The following TPD52L2 variants were observed in gnomAD, a reference collection of about 807,000 sequenced individuals.
The protein encoded by TPD52L2 is TPD52 like 2.
TPD52L2 carries 19 observed loss-of-function variants against 24.7 expected under a neutral mutation model. The observed-to-expected ratio is 0.77, with a 90% CI of 0.54 to 1.13. The LOEUF is 1.13. Among genes scored for constraint, TPD52L2 ranks in the 50% most tolerant of loss-of-function variants. The probability of loss-of-function intolerance (pLI) is 0.00; values close to 1 mark genes in which losing one functional copy is unlikely to be tolerated. For missense variants in TPD52L2, 236 were observed against 250.4 expected (o/e 0.94, Z 0.39); for synonymous variants, 104 against 100.2 (o/e 1.04, Z -0.23).
At chr20:63,873,443 C>T (rs987739374) in intron 2 of TPD52L2, among the ~76,000 whole-genome samples, 1 of 150,512 alleles carries the variant, frequency 6.6e-6, no homozygotes, top group African/African-American at 2.4e-5. Context: ...GAGCCGAGGT[C>T]GTGCCATTGC....
chr20:63,866,345 C>T (rs111870175), intron 1 of TPD52L2, among the ~76,000 whole-genome samples: 4 of 152,128 alleles, frequency 2.6e-5, no homozygotes, highest in Non-Finnish European at 5.9e-5. Flanking sequence ...CCTTGTGATC[C>T]GCCCGCCTCA....
At chr20:63,870,271 A>G (rs1159199941) in intron 2 of TPD52L2, among the ~76,000 whole-genome samples, 1 of 152,150 alleles carries the variant, frequency 6.6e-6, no homozygotes, top group Non-Finnish European at 1.5e-5. Flanking sequence ...TTTTCTTTTC[A>G]CCCTGTGATG....
rs1190811422 is a variant in TPD52L2, at chr20:63,870,222, C to T, written c.165+781C>T. ...GTAATGTAGGAATTAAGAACAAAAGCCTCCAACCATAATTTTTAGTCAAAC... is the reference window on the plus strand; with the variant it reads ...GTAATGTAGGAATTAAGAACAAAAGTCTCCAACCATAATTTTTAGTCAAAC... On this transcript the variant is annotated intron_variant, in intron 2 of 6. Coordinates refer to ENST00000346249, the MANE Select transcript of TPD52L2 (RefSeq NM_003288.4). Among the ~76,000 whole-genome samples, 4 of 152,190 alleles carry T rather than the reference C, an allele frequency of 2.6e-5. No homozygotes were observed. The East Asian group carries it at 7.7e-4, about 29-fold the overall frequency.
intron 5 of TPD52L2, 119 bp from the exon 6 acceptor site, chr20:63,889,071 T>A: frequency 1.2e-6 from 1 of 833,054 alleles, no homozygotes; most frequent in South Asian, 1.4e-5. Flanking sequence ...TGCCATGAGA[T>A]CTTGGGATGT....
chr20:63,875,824 A>C lies in TPD52L2; in HGVS notation c.323A>C (p.Lys108Thr), dbSNP rs777056615. The stretch of plus-strand genomic sequence containing the variant: ...AGACTTTCTGTTTTTAGCTATGTGA[A>C]AACTTCTGAGAAACTTGGAGAGTGG... ...HDVQVSSAYV[K>T]TSEKLGEWNE... Residue 108 changes from lysine to threonine, a missense_variant, in exon 4 of 7, where the codon AAA (lysine) becomes ACA (threonine). By Grantham distance (78) the Lys-to-Thr change is moderately conservative (BLOSUM62 -1). Transcript: ENST00000346249. 1 of 1,614,072 alleles carries C rather than the reference A, an allele frequency of 6.2e-7. No individual in the cohort carries two copies. Among genetic ancestry groups the C allele is most frequent in the Non-Finnish European group, 8.5e-7 (1 of 1,180,022 alleles).
At chr20:63,866,248 G>A (rs945307859) in intron 1 of TPD52L2, among the ~76,000 whole-genome samples, 4 of 151,914 alleles carry the variant, frequency 2.6e-5, no homozygotes, top group African/African-American at 9.7e-5. Context: ...GGGACTACAG[G>A]CACGCGCCAC....
intron 4 of TPD52L2, among the ~76,000 whole-genome samples, chr20:63,879,428 C>T (rs1019442708): frequency 2.0e-5 from 3 of 151,940 alleles, no homozygotes; most frequent in Admixed American, 1.3e-4. Context: ...ACCCACAGGT[C>T]ACGCTCAGGA....
chr20:63,886,519 G>T (rs977855326), intron 5 of TPD52L2, among the ~76,000 whole-genome samples: 1 of 151,990 alleles, frequency 6.6e-6, no homozygotes, highest in African/African-American at 2.4e-5. Context: ...CCGCCGCCAC[G>T]CCCGGCTAAT....
rs567300864 is a variant in TPD52L2 at position 63,881,505 on chromosome 20, G to A, written c.375-1214G>A. ...ACTGTTTGGGGGCTGGAGAGTAGTA[G>A]CACTCAGCTCACACGGGCCTTCTGC... On this transcript the variant is annotated intron_variant, in intron 4 of 6. Transcript: ENST00000346249. Among the ~76,000 whole-genome samples the A allele has an allele frequency of 2.6e-3, 395 of 152,312 alleles. 2 individuals carry two copies. Among genetic ancestry groups the A allele is most frequent in the African/African-American group, 9.2e-3 (384 of 41,574 alleles).
Position 63,877,439 on chromosome 20 carries a change from G to A in TPD52L2, c.374+1564G>A, listed in dbSNP as rs1046767555. 2.0e-5 allele frequency among the ~76,000 whole-genome samples: 3 copies of A among 152,162 alleles called. No homozygotes were observed. Among genetic ancestry groups the A allele is most frequent in the South Asian group, 2.1e-4 (1 of 4,832 alleles). On this transcript the variant is annotated intron_variant, in intron 4 of 6. Coordinates refer to ENST00000346249, the MANE Select transcript of TPD52L2 (RefSeq NM_003288.4). The surrounding 1 kb of genome is among the most constrained non-coding windows in gnomAD (Gnocchi z 4.1). ...CTCCCAAAGTGCTGGGATGACAGGC[G>A]TGACCCACTGCACCCGGCTTGAGCA...
Position 63,887,764 on chromosome 20 carries a change from C to T in TPD52L2, c.477-1426C>T. ...GATGACTAAGGGCCGGTAAAAACCCCCTCTAGGCTGACGAGGAAGAGCTGG... is the reference window on the plus strand; with the variant it reads ...GATGACTAAGGGCCGGTAAAAACCCTCTCTAGGCTGACGAGGAAGAGCTGG... On this transcript the variant is annotated intron_variant, in intron 5 of 6. Coordinates refer to ENST00000346249, the MANE Select transcript of TPD52L2 (RefSeq NM_003288.4). 1.9e-5 allele frequency: 14 copies of T among 719,678 alleles called. No homozygotes were observed. The South Asian group carries it at 2.2e-4, about 11-fold the overall frequency. 44.6% of individuals were successfully genotyped at this position (719,678 alleles called of 1,614,324 possible).
intron 5 of TPD52L2, among the ~76,000 whole-genome samples, chr20:63,886,253 G>A (rs1033257979): frequency 1.4e-4 from 22 of 152,100 alleles, no homozygotes; most frequent in East Asian, 3.9e-4. Flanking sequence ...GGAACCCCCC[G>A]GCCCTTCTGT....
chr20:63,879,352 C>T (rs1422853951), intron 4 of TPD52L2, among the ~76,000 whole-genome samples: 1 of 152,092 alleles, frequency 6.6e-6, no homozygotes, highest in Non-Finnish European at 1.5e-5. Flanking sequence ...CACCGGGTGT[C>T]AGTGGCCAGT....
chr20:63,887,828 A>T lies in TPD52L2; in HGVS notation c.477-1362A>T. ...TCTTCACCTGCAGCCTCCAGAGGAG[A>T]TCCTTGTGTCAAACTGGGCCGTGTC... On this transcript the variant is annotated intron_variant, in intron 5 of 6. Transcript: ENST00000346249. 3 of 585,098 alleles carry T rather than the reference A, an allele frequency of 5.1e-6. No individual in the cohort carries two copies. The Admixed American group carries it at 9.3e-5, about 18-fold the overall frequency. The allele number at this position is 585,098 out of a possible 1,614,324, so 36.2% of individuals were successfully genotyped here.
chr20:63,886,201 AG>A (rs1379996331), intron 5 of TPD52L2, among the ~76,000 whole-genome samples: 1 of 152,136 alleles, frequency 6.6e-6, no homozygotes, highest in Non-Finnish European at 1.5e-5. Flanking sequence ...GCTGCATCTC[AG>A]GGAACAAAGC....
intron 4 of TPD52L2, 38 bp from the exon 5 acceptor site, chr20:63,882,681 C>A (rs1480719575): frequency 6.4e-7 from 1 of 1,552,532 alleles, no homozygotes; most frequent in Non-Finnish European, 8.9e-7. Context: ...GGTGACCCGC[C>A]CATGCTGTCT....
intron 5 of TPD52L2, among the ~76,000 whole-genome samples, chr20:63,886,474 C>T (rs1214953693): frequency 6.6e-6 from 1 of 151,970 alleles, no homozygotes; most frequent in Admixed American, 6.5e-5. Context: ...CATTCTCCTG[C>T]CTCAGCCTCT....
intron 2 of TPD52L2, 120 bp downstream of exon 2, chr20:63,869,561 C>T: frequency 1.6e-6 from 2 of 1,247,752 alleles, no homozygotes; most frequent in South Asian, 1.3e-5. Flanking sequence ...ACCTACCCTG[C>T]TCTGTGTTCC....
intron 5 of TPD52L2, chr20:63,887,462 G>T: frequency 1.6e-6 from 2 of 1,259,310 alleles, no homozygotes; most frequent in African/African-American, 2.9e-5. Flanking sequence ...TGCTGGGAGT[G>T]GGGGAATCCC....
Sources: gnomAD v4.1 joint callset for allele counts (sites outside exome capture counted in the v4.1 genomes callset) on GRCh38, gnomAD v4.1.1 for gene constraint, Gnocchi (gnomAD v3.1) non-coding constraint, MANE v1.5 for transcripts, NCBI Gene and HGNC (gene_info 2026-07-23, HGNC 2026-07-21) for gene names.